DPP6: variants seen among roughly 807,000 people sequenced by gnomAD.
DPP6 encodes the protein dipeptidyl peptidase like 6.
A neutral mutation model predicts 122.6 loss-of-function variants in DPP6; 69 were observed. The observed-to-expected ratio is 0.56, with a 90% CI of 0.46 to 0.69. The LOEUF is 0.69. DPP6 is among the 30% of genes least tolerant of loss of function. The pLI, the probability that DPP6 is intolerant of heterozygous loss-of-function variation, is 0.00. For missense variants in DPP6, 928 were observed against 1,116.9 expected, an observed-to-expected ratio of 0.83 and a Z score of 2.41; for synonymous variants, 418 against 433.1, an observed-to-expected ratio of 0.97 and a Z score of 0.43.
chr7:154,626,993 ATTTTTTCT>A (rs1835111438), intron 5 of DPP6, among the ~76,000 whole-genome samples: 1 of 114,162 alleles, frequency 8.8e-6, no homozygotes, highest in African/African-American at 3.3e-5. Flanking sequence ...TCCATTAGAA[ATTTTTTCT>A]TTTTTTTTTT....
intron 7 of DPP6, among the ~76,000 whole-genome samples, chr7:154,704,235 T>C (rs1442583115): frequency 6.6e-6 from 1 of 152,230 alleles, no homozygotes; most frequent in Admixed American, 6.5e-5. Flanking sequence ...AGCCTGAAGA[T>C]GTGACTGAGT....
the DPP6 span, among the ~76,000 whole-genome samples, chr7:153,845,774 G>A: frequency 4.5e-4 from 69 of 152,108 alleles, no homozygotes; most frequent in African/African-American, 1.6e-3. Context: ...CATATTTAAT[G>A]TAATAAGTTA....
At chr7:153,852,404 T>C in the DPP6 span, among the ~76,000 whole-genome samples, 17 of 152,194 alleles carry the variant, frequency 1.1e-4, 1 homozygote, top group Admixed American at 9.8e-4. Context: ...AGGCATCTCA[T>C]ATGGCCGGAG....
At chr7:154,193,265 C>G (rs775620765) in intron 1 of DPP6, among the ~76,000 whole-genome samples, 1 of 152,174 alleles carries the variant, frequency 6.6e-6, no homozygotes, top group Non-Finnish European at 1.5e-5. Context: ...CAGACCTGTA[C>G]AAGACATCTT....
intron 1 of DPP6, 89 bp from the exon 2 acceptor site, chr7:154,446,125 G>A: frequency 1.3e-6 from 1 of 798,610 alleles, no homozygotes; most frequent in East Asian, 2.7e-5. Flanking sequence ...TTGTATCTTG[G>A]TTCTTGATTT....
intron 16 of DPP6, among the ~76,000 whole-genome samples, chr7:154,837,364 A>T (rs549609452): frequency 1.8e-4 from 27 of 151,890 alleles, no homozygotes; most frequent in South Asian, 1.0e-3. Flanking sequence ...ATGCATGCAT[A>T]CAGGCACATT....
intron 20 of DPP6, among the ~76,000 whole-genome samples, chr7:154,880,188 G>A (rs569608245): frequency 5.9e-5 from 9 of 152,294 alleles, no homozygotes; most frequent in East Asian, 1.9e-4. Flanking sequence ...TCCAGAAACC[G>A]GAAGGACCCC....
intron 1 of DPP6, among the ~76,000 whole-genome samples, chr7:154,330,742 G>A (rs781503617): frequency 6.6e-6 from 1 of 152,202 alleles, no homozygotes; most frequent in Non-Finnish European, 1.5e-5. Context: ...GAACTAGCAG[G>A]CAGCTTGGCA....
intron 3 of DPP6, among the ~76,000 whole-genome samples, chr7:154,525,709 A>G (rs1302126597): frequency 6.6e-6 from 1 of 151,302 alleles, no homozygotes; most frequent in Admixed American, 6.6e-5. Flanking sequence ...CATTGTAAAT[A>G]TTTTTTAATG....
intron 4 of DPP6, among the ~76,000 whole-genome samples, chr7:154,553,743 CCG>C (rs1237954858): frequency 6.6e-6 from 1 of 152,042 alleles, no homozygotes; most frequent in East Asian, 1.9e-4. Flanking sequence ...AGGGCTGAGG[CCG>C]CCATTCCATT....
At chr7:153,814,732 C>A in the DPP6 span, among the ~76,000 whole-genome samples, 2 of 152,064 alleles carry the variant, frequency 1.3e-5, no homozygotes, top group Non-Finnish European at 2.9e-5. Context: ...AAAACGAATC[C>A]AGCAGCACAT....
chr7:154,297,279 A>G (rs576253981), intron 1 of DPP6, among the ~76,000 whole-genome samples: 63 of 152,290 alleles, frequency 4.1e-4, no homozygotes, highest in African/African-American at 1.4e-3. Context: ...GGCCTTTGTC[A>G]AACCTGTCAC....
At position 154,221,886 on chromosome 7, in the gene DPP6, C is replaced by G. The variant is rs556635646; in HGVS notation, c.243+168823C>G. On this transcript the variant is annotated intron_variant, in intron 1 of 25. Transcript: ENST00000377770. ...CCCCAGTTTAAATATAACACTTTTG[C>G]ATTATAAAAAAGGCATATTAATTCA... Among the ~76,000 whole-genome samples the G allele has an allele frequency of 3.3e-5, 5 of 151,852 alleles. No homozygotes were observed. The South Asian group carries it at 1.0e-3, about 32-fold the overall frequency.
At chr7:153,983,267 G>A (rs910327523) in intron 1 of DPP6, among the ~76,000 whole-genome samples, 5 of 152,248 alleles carry the variant, frequency 3.3e-5, no homozygotes, top group African/African-American at 1.2e-4. Flanking sequence ...ATCTAGAGAG[G>A]CAGTCTGGCT....
intron 1 of DPP6, among the ~76,000 whole-genome samples, chr7:153,970,130 A>C (rs530832946): frequency 6.6e-6 from 1 of 152,372 alleles, no homozygotes; most frequent in East Asian, 1.9e-4. Context: ...AATTTGAATA[A>C]AGCTATGAAC....
chr7:154,361,574 G>T (rs1811722038), intron 1 of DPP6, among the ~76,000 whole-genome samples: 1 of 99,456 alleles, frequency 1.0e-5, no homozygotes, highest in African/African-American at 3.9e-5. Flanking sequence ...AAACACCTGA[G>T]CAAAGAAATC....
chr7:154,058,797 C>G (rs1398312582), intron 1 of DPP6: 1 of 150,200 alleles, frequency 6.7e-6, no homozygotes, highest in Non-Finnish European at 1.5e-5. Context: ...GGGGGAGGCA[C>G]CCCCCACGAC....
At chr7:154,069,563 CCTGA>C (rs1487273998) in intron 1 of DPP6, among the ~76,000 whole-genome samples, 2 of 151,648 alleles carry the variant, frequency 1.3e-5, no homozygotes, top group East Asian at 1.9e-4. Flanking sequence ...AAAATTTAAA[CCTGA>C]CTGAGAGCTA....
chr7:153,846,531 A>C, the DPP6 span, among the ~76,000 whole-genome samples: 1 of 151,806 alleles, frequency 6.6e-6, no homozygotes, highest in Admixed American at 6.6e-5. Context: ...AATGTATTTA[A>C]ACTTATTTTA....
Sources: allele counts gnomAD v4.1 joint callset (sites outside exome capture counted in the v4.1 genomes callset), GRCh38; gene constraint gnomAD v4.1.1; transcripts MANE v1.5; gene names NCBI Gene and HGNC (gene_info 2026-07-23, HGNC 2026-07-21).